The following SYT9 variants were observed in gnomAD, a reference collection of about 807,000 sequenced individuals.
SYT9 encodes the protein synaptotagmin-9.
SYT9 carries 22 observed loss-of-function variants against 48.4 expected under a neutral mutation model. The observed-to-expected ratio is 0.45, with a 90% CI of 0.32 to 0.65. The LOEUF is 0.65. Among genes scored for constraint, SYT9 ranks in the 30% least tolerant of loss-of-function variants. The pLI is 0.03. For synonymous variants in SYT9, 265 were observed against 245.0 expected (o/e 1.08, Z -0.76); for missense variants, 577 against 622.0 (o/e 0.93, Z 0.77).
chr11:7,441,991 T>A lies in SYT9; in HGVS notation c.1467+21356T>A, dbSNP rs570805844. Among the ~76,000 whole-genome samples the A allele has an allele frequency of 5.9e-5, 9 of 152,054 alleles. No homozygotes were observed. In the East Asian group the frequency reaches 1.7e-3, roughly 29 times the overall value. On this transcript the variant is annotated intron_variant, in intron 6 of 6. Coordinates refer to ENST00000318881, the MANE Select transcript of SYT9 (RefSeq NM_175733.4). ...CTTCTCATGACAACTCTGCACTCCA[T>A]TATCCACCTCCTGGGAGCAAACCAT...
chr11:7,375,004 G>A (rs922285391), intron 3 of SYT9, among the ~76,000 whole-genome samples: 8 of 152,150 alleles, frequency 5.3e-5, no homozygotes, highest in African/African-American at 1.9e-4. Context: ...CCATGCCTAT[G>A]TCCTGAATTA....
chr11:7,373,546 G>C (rs1239687422), intron 3 of SYT9, among the ~76,000 whole-genome samples: 1 of 152,118 alleles, frequency 6.6e-6, no homozygotes, highest in Admixed American at 6.6e-5. Context: ...CAGAGGCCCT[G>C]AGTTGTTCAG....
chr11:7,445,488 C>A (rs1305353939), intron 6 of SYT9, among the ~76,000 whole-genome samples: 2 of 152,108 alleles, frequency 1.3e-5, no homozygotes, highest in African/African-American at 2.4e-5. Flanking sequence ...CCTCCCTGAC[C>A]CTACCCTCTC....
At chr11:7,429,758 C>T (rs943557691) in intron 6 of SYT9, among the ~76,000 whole-genome samples, 2 of 152,016 alleles carry the variant, frequency 1.3e-5, no homozygotes, top group African/African-American at 4.8e-5. Flanking sequence ...CAGTAGACTC[C>T]CATTAAAGTT....
chr11:7,404,581 A>G (rs1170660233), intron 3 of SYT9, among the ~76,000 whole-genome samples: 1 of 152,184 alleles, frequency 6.6e-6, no homozygotes, highest in Admixed American at 6.6e-5. Flanking sequence ...GAAACTTACA[A>G]CAGTTTCAAC....
chr11:7,347,500 G>C (rs1447812763), intron 3 of SYT9, among the ~76,000 whole-genome samples: 6 of 152,178 alleles, frequency 3.9e-5, no homozygotes, highest in Non-Finnish European at 8.8e-5. Flanking sequence ...CTCCCAAAGT[G>C]CTGGGATTAG....
At chr11:7,452,772 A>C (rs1168662009) in intron 6 of SYT9, among the ~76,000 whole-genome samples, 2 of 152,058 alleles carry the variant, frequency 1.3e-5, no homozygotes, top group Admixed American at 6.5e-5. Flanking sequence ...TTCTAGGAAC[A>C]GAAAACCTAA....
In SYT9 at chr11:7,462,135, C is replaced by T. The variant is rs1296564302; in HGVS notation, c.1468-4657C>T. ...AAGCACAATAATTTACCATTCTGGG[C>T]ATAGCACTTAAGAGCATACATTTTA... On this transcript the variant is annotated intron_variant, in intron 6 of 6. Coordinates refer to ENST00000318881, the MANE Select transcript of SYT9 (RefSeq NM_175733.4). Among the ~76,000 whole-genome samples, 6 of 152,312 alleles carry T rather than the reference C, an allele frequency of 3.9e-5. No homozygotes were observed. In the East Asian group the frequency reaches 9.6e-4, roughly 24 times the overall value.
At chr11:7,390,909 T>G (rs61583640) in intron 3 of SYT9, among the ~76,000 whole-genome samples, 3,992 of 152,224 alleles carry the variant, frequency 0.026, 170 homozygotes, top group African/African-American at 0.091. Flanking sequence ...TTTGGGCTTC[T>G]ATTGGTCCTG....
intron 2 of SYT9, among the ~76,000 whole-genome samples, chr11:7,308,468 G>A (rs2133945113): frequency 6.6e-6 from 1 of 152,298 alleles, no homozygotes; most frequent in East Asian, 1.9e-4. Context: ...GAGATGCAGT[G>A]GGTGTATATG....
chr11:7,360,891 AT>A (rs1369110968), intron 3 of SYT9, among the ~76,000 whole-genome samples: 1 of 152,054 alleles, frequency 6.6e-6, no homozygotes, highest in African/African-American at 2.4e-5. Context: ...AATAGTTATA[AT>A]TTTTTCAAGT....
Position 7,243,073 on chromosome 11 carries a change from A to AATAAATAAAT in SYT9, c.49+4158_49+4159insTAAATAAATA, listed in dbSNP as rs1257905390. Among the ~76,000 whole-genome samples the AATAAATAAAT allele has an allele frequency of 3.1e-5, 4 of 129,092 alleles. No individual in the cohort carries two copies. The East Asian group carries it at 6.8e-4, about 22-fold the overall frequency. 84.7% of individuals were successfully genotyped at this position (129,092 alleles called of 152,430 possible). On this transcript the variant is annotated intron_variant and NMD_transcript_variant, in intron 1 of 8. Transcript: ENST00000524820. Reference sequence around the variant, plus strand: ...ATAAATAAATAAATAAATAAATATAAAGTATTACCAATATGAACAGGATAA... The same window carrying AATAAATAAAT: ...ATAAATAAATAAATAAATAAATATAAATAAATAAATAGTATTACCAATATGAACAGGATAA...
intron 3 of SYT9, among the ~76,000 whole-genome samples, chr11:7,350,127 G>C (rs1296281025): frequency 6.6e-6 from 1 of 152,192 alleles, no homozygotes; most frequent in African/African-American, 2.4e-5. Flanking sequence ...TGGCCGGACA[G>C]ATTTCCAGAG....
At chr11:7,263,146 C>T (rs963997127) in intron 1 of SYT9, among the ~76,000 whole-genome samples, 1 of 152,152 alleles carries the variant, frequency 6.6e-6, no homozygotes, top group South Asian at 2.1e-4. Flanking sequence ...AGCTTACTGT[C>T]TTAGTCCATT....
At chr11:7,324,224 T>A (rs58070215) in intron 3 of SYT9, among the ~76,000 whole-genome samples, 2,830 of 151,996 alleles carry the variant, frequency 0.019, 87 homozygotes, top group African/African-American at 0.064. Flanking sequence ...TTCTTCATAA[T>A]TTTTTCTTCT....
intron 6 of SYT9, among the ~76,000 whole-genome samples, chr11:7,447,816 C>T (rs935693787): frequency 6.6e-6 from 1 of 152,186 alleles, no homozygotes; most frequent in Non-Finnish European, 1.5e-5. Context: ...TCTCTGAATC[C>T]TGAGGCCATT....
chr11:7,442,209 G>A (rs188186433), intron 6 of SYT9, among the ~76,000 whole-genome samples: 1 of 152,088 alleles, frequency 6.6e-6, no homozygotes, highest in East Asian at 1.9e-4. Flanking sequence ...AGTGAAAATG[G>A]CTGAGGGGAG....
At chr11:7,446,220 C>G (rs984976214) in intron 6 of SYT9, among the ~76,000 whole-genome samples, 1 of 152,204 alleles carries the variant, frequency 6.6e-6, no homozygotes, top group Admixed American at 6.5e-5. Context: ...TATCAAGTCT[C>G]TATGTTCAAG....
chr11:7,408,468 A>G (rs1381576431), intron 3 of SYT9, among the ~76,000 whole-genome samples: 1 of 152,236 alleles, frequency 6.6e-6, no homozygotes, highest in Non-Finnish European at 1.5e-5. Context: ...CTTCTGATCC[A>G]TGAGCATGGG....
Sources: gnomAD v4.1 joint callset for allele counts (sites outside exome capture counted in the v4.1 genomes callset) on GRCh38, gnomAD v4.1.1 for gene constraint, MANE v1.5 for transcripts, NCBI Gene and HGNC (gene_info 2026-07-23, HGNC 2026-07-21) for gene names.